Variants in NAALADL2 observed in about 807,000 individuals in gnomAD.
The protein encoded by NAALADL2 is inactive N-acetylated-alpha-linked acidic dipeptidase-like protein 2.
A neutral mutation model predicts 87.2 loss-of-function variants in NAALADL2; 76 were observed. That is an observed-to-expected ratio of 0.87 (90% CI 0.72 to 1.05). NAALADL2 has a LOEUF of 1.05. Ranked by LOEUF, NAALADL2 falls within the 50% of genes least tolerant of loss-of-function variation. The pLI, the probability that NAALADL2 is intolerant of heterozygous loss-of-function variation, is 0.00. For missense variants in NAALADL2, 1,089 were observed against 945.8 expected, an observed-to-expected ratio of 1.15 and a Z score of -1.99; for synonymous variants, 354 against 331.0, an observed-to-expected ratio of 1.07 and a Z score of -0.75.
intron 3 of NAALADL2, among the ~76,000 whole-genome samples, chr3:174,749,775 G>A (rs1337312023): frequency 6.6e-6 from 1 of 151,980 alleles, no homozygotes; most frequent in Non-Finnish European, 1.5e-5. Context: ...GATATAATTG[G>A]CACTCAACAT....
rs1050143762 is a variant in NAALADL2 at position 175,293,003 on chromosome 3, C to G, written c.940-31172C>G. On this transcript the variant is annotated intron_variant, in intron 4 of 13. Transcript: ENST00000454872. ...AATGAGCCGAGATAGCGCCACTGCA[C>G]TCCAGCCTGGGTGACAGAGCGAGAC... Among the ~76,000 whole-genome samples, 6 of 137,740 alleles carry G rather than the reference C, an allele frequency of 4.4e-5. No individual in the cohort carries two copies. In the Admixed American group the frequency reaches 4.7e-4, roughly 11 times the overall value. The allele number at this position is 137,740 out of a possible 152,430, so 90.4% of individuals were successfully genotyped here.
chr3:175,662,466 T>G (rs1325605745), intron 11 of NAALADL2, among the ~76,000 whole-genome samples: 1 of 152,012 alleles, frequency 6.6e-6, no homozygotes, highest in Non-Finnish European at 1.5e-5. Context: ...CTTTCCAATT[T>G]GGATGCTTTT....
intron 1 of NAALADL2, among the ~76,000 whole-genome samples, chr3:174,997,785 C>T (rs1401805527): frequency 2.0e-5 from 3 of 151,872 alleles, no homozygotes; most frequent in East Asian, 3.9e-4. Flanking sequence ...CCACTTTACT[C>T]CAGCCTGGGC....
intron 1 of NAALADL2, among the ~76,000 whole-genome samples, chr3:175,006,063 C>G (rs752561921): frequency 1.6e-4 from 24 of 152,176 alleles, no homozygotes; most frequent in Non-Finnish European, 2.8e-4. Context: ...GTGCTTCAAG[C>G]TTGCCAGGTT....
chr3:175,534,049 AT>A (rs1734461033), intron 9 of NAALADL2, among the ~76,000 whole-genome samples: 1 of 150,362 alleles, frequency 6.7e-6, no homozygotes. Context: ...TAAATAAATT[AT>A]TTATTTATAA....
intron 5 of NAALADL2, among the ~76,000 whole-genome samples, chr3:175,419,338 A>G (rs543619653): frequency 2.0e-5 from 3 of 152,012 alleles, no homozygotes; most frequent in African/African-American, 7.2e-5. Context: ...CCTCTGTTTT[A>G]TATTTCTCAA....
chr3:175,398,344 CT>C (rs776575751), intron 5 of NAALADL2, among the ~76,000 whole-genome samples: 6,796 of 111,980 alleles, frequency 0.061, 190 homozygotes, highest in African/African-American at 0.1. Flanking sequence ...GCTTCTGCTA[CT>C]TTTTTTTTTT....
chr3:174,812,297 T>C (rs1449192067), intron 3 of NAALADL2, among the ~76,000 whole-genome samples: 1 of 152,184 alleles, frequency 6.6e-6, no homozygotes, highest in African/African-American at 2.4e-5. Flanking sequence ...TAGTCCCATA[T>C]AAGATTTTAA....
At chr3:174,918,514 C>T (rs1469280201) in intron 1 of NAALADL2, among the ~76,000 whole-genome samples, 2 of 152,248 alleles carry the variant, frequency 1.3e-5, no homozygotes, top group East Asian at 3.9e-4. Context: ...CATCTGTACT[C>T]AGTTTTGTGG....
chr3:175,522,815 C>T (rs1732835057), intron 9 of NAALADL2, among the ~76,000 whole-genome samples: 1 of 152,132 alleles, frequency 6.6e-6, no homozygotes, highest in Non-Finnish European at 1.5e-5. Flanking sequence ...TTTTGGTAAA[C>T]TGTAGTTGGG....
At chr3:174,972,341 T>G (rs1743797796) in intron 1 of NAALADL2, among the ~76,000 whole-genome samples, 1 of 152,204 alleles carries the variant, frequency 6.6e-6, no homozygotes, top group South Asian at 2.1e-4. Flanking sequence ...ATTGACTGGG[T>G]GGCTTAAGCA....
chr3:175,582,503 C>A (rs187798231), intron 10 of NAALADL2, among the ~76,000 whole-genome samples: 64 of 152,128 alleles, frequency 4.2e-4, no homozygotes, highest in Admixed American at 3.3e-4. Flanking sequence ...TCTAATAAAG[C>A]CTTTTTAAAA....
chr3:175,711,831 G>T (rs1740565859), intron 11 of NAALADL2, among the ~76,000 whole-genome samples: 2 of 139,210 alleles, frequency 1.4e-5, no homozygotes, highest in South Asian at 2.2e-4. Context: ...AAAGCTTTCA[G>T]TTTTTAAAAA....
intron 1 of NAALADL2, among the ~76,000 whole-genome samples, chr3:174,998,416 A>C (rs537667002): frequency 6.6e-6 from 1 of 152,314 alleles, no homozygotes; most frequent in East Asian, 1.9e-4. Context: ...TCTTAAACTC[A>C]AGTTCGAGAA....
chr3:174,768,618 A>G (rs1345663992), intron 3 of NAALADL2, among the ~76,000 whole-genome samples: 1 of 152,194 alleles, frequency 6.6e-6, no homozygotes, highest in Non-Finnish European at 1.5e-5. Context: ...ATCAAGGAAC[A>G]AATTAGGCAG....
At chr3:174,764,602 C>G (rs539521731) in intron 3 of NAALADL2, among the ~76,000 whole-genome samples, 93 of 152,294 alleles carry the variant, frequency 6.1e-4, no homozygotes, top group Non-Finnish European at 1.1e-3. Flanking sequence ...GAGCGACACT[C>G]TGTCTCAAAA....
chr3:175,552,954 TTTTTA>T (rs1190560501), intron 9 of NAALADL2, among the ~76,000 whole-genome samples: 3 of 152,180 alleles, frequency 2.0e-5, no homozygotes, highest in Non-Finnish European at 4.4e-5. Context: ...TATTTTATCA[TTTTTA>T]TTTTATCAAC....
chr3:175,240,084 C>T (rs754143557), intron 3 of NAALADL2, among the ~76,000 whole-genome samples: 5 of 151,866 alleles, frequency 3.3e-5, no homozygotes, highest in Admixed American at 6.6e-5. Flanking sequence ...AAGACAAATA[C>T]GAATCATTAG....
At chr3:175,733,556 A>T (rs1237472058) in intron 11 of NAALADL2, among the ~76,000 whole-genome samples, 1 of 152,104 alleles carries the variant, frequency 6.6e-6, no homozygotes, top group African/African-American at 2.4e-5. Flanking sequence ...GAGCCAAACC[A>T]TATCATTGCA....
Sources: allele counts gnomAD v4.1 joint callset (sites outside exome capture counted in the v4.1 genomes callset), GRCh38; gene constraint gnomAD v4.1.1; transcripts MANE v1.5; gene names NCBI Gene and HGNC (gene_info 2026-07-23, HGNC 2026-07-21).